NECTIN3: variants seen among roughly 807,000 people sequenced by gnomAD.
The protein encoded by NECTIN3 is nectin-3.
NECTIN3 carries 8 observed loss-of-function variants against 49.4 expected under a neutral mutation model. The ratio of observed to expected loss-of-function variants is 0.16; its 90% CI spans 0.10 to 0.29. NECTIN3 has a LOEUF of 0.29. Ranked by LOEUF, NECTIN3 falls within the 10% of genes least tolerant of loss-of-function variation. The pLI, the probability that NECTIN3 is intolerant of heterozygous loss-of-function variation, is 1.00. For missense variants in NECTIN3, 581 were observed against 654.6 expected (o/e 0.89, Z 1.23); for synonymous variants, 277 against 241.1 (o/e 1.15, Z -1.38).
intron 1 of NECTIN3, among the ~76,000 whole-genome samples, chr3:111,076,457 A>G (rs1160923250): frequency 6.6e-6 from 1 of 152,138 alleles, no homozygotes; most frequent in Non-Finnish European, 1.5e-5. Flanking sequence ...ATCAAATAAC[A>G]GTTAAGTCAA....
chr3:111,168,151 A>C (rs2035356691), intron 7 of NECTIN3, among the ~76,000 whole-genome samples: 1 of 152,174 alleles, frequency 6.6e-6, no homozygotes, highest in Admixed American at 6.5e-5. Context: ...GTAACCTTGG[A>C]TGAACAGCCA....
At chr3:111,147,390 C>G in intron 6 of NECTIN3, 1 of 1,496,792 alleles carries the variant, frequency 6.7e-7, no homozygotes, top group Non-Finnish European at 9.0e-7. Context: ...ATATTTTAAC[C>G]TTTGCAATGC....
chr3:111,176,739 C>T (rs2035536658), intron 7 of NECTIN3, among the ~76,000 whole-genome samples: 1 of 151,624 alleles, frequency 6.6e-6, no homozygotes, highest in Non-Finnish European at 1.5e-5. Context: ...CCCAAAAATA[C>T]ATGTAAAAAT....
chr3:111,145,025 A>G (rs1417713920), exon 6 of NECTIN3: 5 of 1,536,282 alleles, frequency 3.3e-6, no homozygotes, highest in East Asian at 2.4e-5. Flanking sequence ...AGACCATCCT[A>G]TCTTGACAAA....
intron 7 of NECTIN3, among the ~76,000 whole-genome samples, chr3:111,152,860 C>A (rs929987426): frequency 6.6e-6 from 1 of 151,934 alleles, no homozygotes; most frequent in Non-Finnish European, 1.5e-5. Flanking sequence ...CTTTCTTGAA[C>A]CCATCATTAT....
rs532741094 is a variant in NECTIN3, at chr3:111,072,395, C to G, written c.160+218C>G. On this transcript the variant is annotated intron_variant, in intron 1 of 5. Transcript: ENST00000485303. ...GAGCCGGCGGCCCGCTGCCCTCCCC[C>G]GCGGCCGCGCGGGTCGCCGTGCGGA... is the stretch of plus-strand genomic sequence containing the variant. 9.9e-6 allele frequency: 15 copies of G among 1,513,424 alleles called. No homozygotes were observed. In the East Asian group the frequency reaches 1.2e-4, roughly 13 times the overall value. The allele number at this position is 1,513,424 out of a possible 1,614,324, so 93.7% of individuals were successfully genotyped here. A position where few individuals can be genotyped will look rare whatever the true frequency, so the allele number is the denominator to read the frequency against.
chr3:111,125,488 A>T (rs897064655), intron 4 of NECTIN3, among the ~76,000 whole-genome samples: 5 of 152,078 alleles, frequency 3.3e-5, no homozygotes, highest in Admixed American at 1.3e-4. Context: ...TCATAGTGGG[A>T]CTCTACATGG....
chr3:111,108,223 A>T (rs888825377), intron 1 of NECTIN3, among the ~76,000 whole-genome samples: 1 of 136,400 alleles, frequency 7.3e-6, no homozygotes, highest in East Asian at 2.0e-4. Flanking sequence ...CCACTTCTAA[A>T]TTTTTTTTTT....
rs1194346576 is a variant in NECTIN3 at position 111,072,043 on chromosome 3, C to T, written c.26C>T (p.Pro9Leu). The T allele has an allele frequency of 3.9e-6, 6 of 1,541,410 alleles. No homozygotes were observed. The highest frequency in any genetic ancestry group is 4.0e-5 in the Admixed American group (2 of 50,382). ...ATGGCGCGGACCCTGCGGCCGTCCC[C>T]GCTGTGTCCTGGAGGCGGCAAAGCA... MARTLRPS[P>L]LCPGGGKAQL... Residue 9 changes from proline to leucine, a missense_variant, in exon 1 of 6, where the codon CCG becomes CTG. Around this residue, in one of 3 missense-constraint regions of NECTIN3, gnomAD observed 109 missense variants for 69.1 expected, o/e 1.58. Transcript: ENST00000485303.
At chr3:111,172,834 A>T (rs997528181) in intron 7 of NECTIN3, among the ~76,000 whole-genome samples, 1 of 152,170 alleles carries the variant, frequency 6.6e-6, no homozygotes, top group African/African-American at 2.4e-5. Context: ...CGTTGTTCTA[A>T]GAACCTTTGT....
intron 7 of NECTIN3, among the ~76,000 whole-genome samples, chr3:111,169,304 A>G (rs1272634633): frequency 6.8e-6 from 1 of 147,012 alleles, no homozygotes; most frequent in African/African-American, 2.5e-5. Context: ...GTTAGCCAGG[A>G]TGGTCTCGAT....
intron 1 of NECTIN3, among the ~76,000 whole-genome samples, chr3:111,073,885 A>G (rs975022712): frequency 7.9e-5 from 12 of 152,246 alleles, no homozygotes; most frequent in African/African-American, 2.9e-4. Flanking sequence ...TTGAAGGAAC[A>G]CATTGGTTTT....
intron 7 of NECTIN3, among the ~76,000 whole-genome samples, chr3:111,170,812 A>G (rs2035420072): frequency 1.3e-5 from 2 of 152,188 alleles, no homozygotes; most frequent in African/African-American, 2.4e-5. Context: ...CTAACTTAGC[A>G]GGGATTGCTA....
chr3:111,135,506 C>T lies in NECTIN3; in HGVS notation c.*1291C>T. The T allele has an allele frequency of 3.1e-6, 3 of 979,666 alleles. No homozygotes were observed. Among genetic ancestry groups the T allele is most frequent in the Non-Finnish European group, 3.6e-6 (3 of 824,872 alleles). The allele number at this position is 979,666 out of a possible 1,614,324, so 60.7% of individuals were successfully genotyped here. A position where few individuals can be genotyped will look rare whatever the true frequency, so the allele number is the denominator to read the frequency against. Reference sequence around the variant, plus strand: ...TGTTTGTGAGGTAATTAAATTGCTTCTACAGTGGAGGCTTACAAAATTATT... The same window carrying T: ...TGTTTGTGAGGTAATTAAATTGCTTTTACAGTGGAGGCTTACAAAATTATT... On this transcript the variant is annotated 3_prime_UTR_variant, in exon 6 of 6. Transcript: ENST00000485303.
At chr3:111,098,552 A>G (rs183799566) in intron 1 of NECTIN3, among the ~76,000 whole-genome samples, 1 of 151,968 alleles carries the variant, frequency 6.6e-6, no homozygotes, top group Admixed American at 6.6e-5. Flanking sequence ...CACTCTGTGT[A>G]TTTTCTGTAA....
At chr3:111,147,305 G>A in intron 6 of NECTIN3, 1 of 919,324 alleles carries the variant, frequency 1.1e-6, no homozygotes, top group Non-Finnish European at 1.6e-6. Context: ...TATAATATGA[G>A]GAAAATATTC....
At chr3:111,186,526 G>A (rs1043339212) in intron 7 of NECTIN3, among the ~76,000 whole-genome samples, 8 of 152,138 alleles carry the variant, frequency 5.3e-5, no homozygotes, top group Non-Finnish European at 1.0e-4. Context: ...ATCGAAACTG[G>A]ACCTCTTCCT....
chr3:111,103,650 G>T (rs1202491299), intron 1 of NECTIN3, among the ~76,000 whole-genome samples: 1 of 151,846 alleles, frequency 6.6e-6, no homozygotes, highest in East Asian at 2.0e-4. Context: ...GCCTTTTCTG[G>T]TCTTATTACT....
intron 2 of NECTIN3, among the ~76,000 whole-genome samples, chr3:111,118,279 T>TATATATATATATATAC (rs2033790227): frequency 7.2e-6 from 1 of 139,538 alleles, no homozygotes; most frequent in Non-Finnish European, 1.6e-5. Flanking sequence ...TATATATATA[T>TATATATATATATATAC]ATATTATACA....
Sources: gnomAD v4.1 joint callset for allele counts (sites outside exome capture counted in the v4.1 genomes callset) on GRCh38, gnomAD v4.1.1 for gene constraint, gnomAD v4.1.1 regional missense constraint, MANE v1.5 for transcripts, NCBI Gene and HGNC (gene_info 2026-07-23, HGNC 2026-07-21) for gene names.